SPMAP2: variants seen among roughly 807,000 people sequenced by gnomAD.
SPMAP2 encodes the protein sperm microtubule associated protein 2.
chr19:371,101 G>C, the SPMAP2 span: 1 of 636,494 alleles, frequency 1.6e-6, no homozygotes, highest in Non-Finnish European at 2.6e-6. Flanking sequence ...GCCCTGTGCA[G>C]CTTCTCCTCC....
At chr19:364,022 A>T in the SPMAP2 span, among the ~76,000 whole-genome samples, 1 of 151,962 alleles carries the variant, frequency 6.6e-6, no homozygotes, top group East Asian at 1.9e-4. Flanking sequence ...TACACTTAAA[A>T]CAGGGTGAAT....
the SPMAP2 span, among the ~76,000 whole-genome samples, chr19:375,008 A>T: frequency 7.2e-3 from 1,095 of 152,298 alleles, 7 homozygotes; most frequent in East Asian, 0.043. Flanking sequence ...CAGGGCAGCC[A>T]CTTTGTTCTT....
chr19:368,497 G>C, the SPMAP2 span, among the ~76,000 whole-genome samples: 6 of 152,286 alleles, frequency 3.9e-5, no homozygotes, highest in Non-Finnish European at 8.8e-5. This position sits in a 1 kb window ranked among gnomAD's most constrained non-coding sequence, Gnocchi z 4.1. Flanking sequence ...GAGGGAAGGA[G>C]GGCAGCTGCT....
the SPMAP2 span, chr19:374,471 C>A: frequency 7.7e-5 from 124 of 1,610,846 alleles, no homozygotes; most frequent in Non-Finnish European, 1.0e-4. Flanking sequence ...CGCCCCGATG[C>A]GTTTGGGAGC....
chr19:373,422 GGCCGGCA>G, the SPMAP2 span: 1 of 1,595,972 alleles, frequency 6.3e-7, no homozygotes, highest in Non-Finnish European at 8.6e-7. Context: ...GTTCCCTGGA[GGCCGGCA>G]GCCGGGGGCA....
At chr19:365,830 GGTCTGCTTCACGTTTTAAAAAT>G in the SPMAP2 span, among the ~76,000 whole-genome samples, 1 of 152,136 alleles carries the variant, frequency 6.6e-6, no homozygotes, top group East Asian at 1.9e-4. Context: ...TTCATTTGCT[GGTCTGCTTCACGTTTTAAAAAT>G]GCTGCTTCCT....
the SPMAP2 span, chr19:362,148 A>G: frequency 1.5e-6 from 2 of 1,331,898 alleles, no homozygotes; most frequent in Non-Finnish European, 9.8e-7. Flanking sequence ...GCTCAGAATA[A>G]TCACATACAC....
the SPMAP2 span, among the ~76,000 whole-genome samples, chr19:367,660 C>T: frequency 6.6e-6 from 1 of 152,178 alleles, no homozygotes; most frequent in African/African-American, 2.4e-5. Context: ...GCAATTCGTC[C>T]ACTAGGTTCA....
the SPMAP2 span, chr19:374,026 G>T: frequency 1.9e-6 from 3 of 1,611,884 alleles, 1 homozygote; most frequent in Middle Eastern, 1.7e-4. Context: ...GAGGAGACAG[G>T]GTCCGAGCCC....
chr19:372,612 C>T, the SPMAP2 span: 1 of 1,613,504 alleles, frequency 6.2e-7, no homozygotes, highest in Admixed American at 1.7e-5. Flanking sequence ...GAGTAGCCAC[C>T]CAGCCCTCCT....
At chr19:363,464 A>C in the SPMAP2 span, among the ~76,000 whole-genome samples, 1 of 151,912 alleles carries the variant, frequency 6.6e-6, no homozygotes, top group African/African-American at 2.4e-5. Flanking sequence ...AAGGGCTGGC[A>C]TTACAGGCGT....
At chr19:365,545 ACACAGC>A in the SPMAP2 span, among the ~76,000 whole-genome samples, 1 of 60,258 alleles carries the variant, frequency 1.7e-5, no homozygotes, top group African/African-American at 4.8e-5. Flanking sequence ...GAGCACACAC[ACACAGC>A]CACACACTCG....
chr19:365,168 C>T, the SPMAP2 span, among the ~76,000 whole-genome samples: 75,740 of 152,162 alleles, frequency 0.5, 19,523 homozygotes, highest in Middle Eastern at 0.61. Flanking sequence ...ACACACACGT[C>T]GTGAATATAA....
the SPMAP2 span, chr19:373,339 T>C: frequency 1.2e-6 from 1 of 823,818 alleles, no homozygotes; most frequent in Non-Finnish European, 2.0e-6. Context: ...GGGGACAGAC[T>C]CCAGTGGGGA....
chr19:369,288 A>G, the SPMAP2 span, among the ~76,000 whole-genome samples: 24,100 of 152,194 alleles, frequency 0.16, 4,240 homozygotes, highest in African/African-American at 0.43. Context: ...ACAAGCAAGA[A>G]AGCAGGCACT....
At chr19:373,477 T>G in the SPMAP2 span, 1 of 1,613,154 alleles carries the variant, frequency 6.2e-7, no homozygotes, top group East Asian at 2.2e-5. Context: ...TACCGGGCAC[T>G]GTGATGGTGA....
chr19:372,631 CTGT>C, the SPMAP2 span: 5 of 1,613,830 alleles, frequency 3.1e-6, no homozygotes, highest in East Asian at 2.2e-5. Flanking sequence ...CTTCCCCCAC[CTGT>C]TGTTGTTGTA....
At chr19:370,498 C>T in the SPMAP2 span, among the ~76,000 whole-genome samples, 1 of 128,046 alleles carries the variant, frequency 7.8e-6, no homozygotes, top group Non-Finnish European at 1.7e-5. Context: ...CCCGCCACCA[C>T]CCCCGGCTAA....
the SPMAP2 span, among the ~76,000 whole-genome samples, chr19:370,645 C>T: frequency 2.6e-5 from 4 of 152,164 alleles, no homozygotes; most frequent in Non-Finnish European, 4.4e-5. Context: ...CCACCGCGCC[C>T]GGCGTATTCA....
Sources: gnomAD v4.1 joint callset for allele counts (sites outside exome capture counted in the v4.1 genomes callset) on GRCh38, gnomAD v4.1.1 for gene constraint, Gnocchi (gnomAD v3.1) non-coding constraint, MANE v1.5 for transcripts, NCBI Gene and HGNC (gene_info 2026-07-23, HGNC 2026-07-21) for gene names.